Variants in TLE4 observed in about 807,000 individuals in gnomAD.
TLE4 encodes the protein TLE family member 4, transcriptional corepressor, also known as transducin-like enhancer protein 4.
TLE4 carries 8 observed loss-of-function variants against 92.8 expected under a neutral mutation model. The ratio of observed to expected loss-of-function variants is 0.09; its 90% CI spans 0.05 to 0.16. The LOEUF is 0.16. Among genes scored for constraint, TLE4 ranks in the 10% least tolerant of loss-of-function variants. The pLI is 1.00. For missense variants in TLE4, 675 were observed against 997.6 expected, an observed-to-expected ratio of 0.68 and a Z score of 4.36; for synonymous variants, 371 against 374.1, an observed-to-expected ratio of 0.99 and a Z score of 0.10.
intron 4 of TLE4, among the ~76,000 whole-genome samples, chr9:79,596,893 C>T (rs1396848769): frequency 3.9e-5 from 6 of 152,166 alleles, no homozygotes. Context: ...ATTAGAGTCA[C>T]ACTAGGATTT....
chr9:79,724,618 AG>A (rs1250857662), intron 19 of TLE4, among the ~76,000 whole-genome samples: 1 of 151,956 alleles, frequency 6.6e-6, no homozygotes, highest in African/African-American at 2.4e-5. Flanking sequence ...CCAAGGCAAG[AG>A]GATCTCTTGA....
chr9:79,630,401 ATAAGT>A (rs1465851528), intron 6 of TLE4, among the ~76,000 whole-genome samples: 3 of 152,234 alleles, frequency 2.0e-5, no homozygotes, highest in African/African-American at 4.8e-5. Flanking sequence ...ATAGATTGAA[ATAAGT>A]TAAATATCAT....
chr9:79,653,378 T>C (rs956902718), intron 7 of TLE4, among the ~76,000 whole-genome samples: 1 of 152,224 alleles, frequency 6.6e-6, no homozygotes, highest in Admixed American at 6.5e-5. Context: ...AAGACCAACA[T>C]AATTGTTTAT....
chr9:79,640,950 G>A (rs2057009502), intron 6 of TLE4, among the ~76,000 whole-genome samples: 1 of 151,976 alleles, frequency 6.6e-6, no homozygotes, highest in Non-Finnish European at 1.5e-5. Context: ...CTAAGAAATA[G>A]ATTCACTTGT....
intron 4 of TLE4, among the ~76,000 whole-genome samples, chr9:79,612,049 A>G (rs2048495358): frequency 6.6e-6 from 1 of 151,916 alleles, no homozygotes; most frequent in Non-Finnish European, 1.5e-5. Flanking sequence ...CACACTGAAA[A>G]CCTTGGTAGG....
chr9:79,617,767 T>C (rs1218929684), intron 5 of TLE4, among the ~76,000 whole-genome samples: 1 of 151,610 alleles, frequency 6.6e-6, no homozygotes, highest in Non-Finnish European at 1.5e-5. Flanking sequence ...TTCGTGACAG[T>C]GTAAAAGGAC....
intron 4 of TLE4, among the ~76,000 whole-genome samples, chr9:79,606,426 G>A (rs2046995999): frequency 2.1e-5 from 3 of 144,616 alleles, no homozygotes; most frequent in African/African-American, 7.7e-5. Context: ...TGTGCACAAC[G>A]TGCAGGTTTG....
chr9:79,708,823 A>G, intron 13 of TLE4, 37 bp downstream of exon 13: 2 of 1,571,294 alleles, frequency 1.3e-6, no homozygotes, highest in South Asian at 1.1e-5. Flanking sequence ...ATTTTAGCAC[A>G]CGGAGGATTG....
At chr9:79,600,405 A>G (rs116148901) in intron 4 of TLE4, among the ~76,000 whole-genome samples, 1,709 of 152,218 alleles carry the variant, frequency 0.011, 39 homozygotes, top group African/African-American at 0.039. Context: ...GGCTTCCCCC[A>G]GCCATTGAAG....
At chr9:79,710,635 T>C (rs530179175) in intron 14 of TLE4, among the ~76,000 whole-genome samples, 1 of 152,336 alleles carries the variant, frequency 6.6e-6, no homozygotes, top group South Asian at 2.1e-4. Flanking sequence ...GTCCTTACTG[T>C]CCTTCTTCCT....
chr9:79,693,496 T>C (rs2067520751), intron 8 of TLE4: 1 of 319,154 alleles, frequency 3.1e-6, no homozygotes, highest in Non-Finnish European at 6.2e-6. Flanking sequence ...TGGGATCTTC[T>C]GCGTTTCAAT....
chr9:79,590,683 A>G (rs569676172), intron 4 of TLE4, among the ~76,000 whole-genome samples: 1 of 152,326 alleles, frequency 6.6e-6, no homozygotes, highest in South Asian at 2.1e-4. Context: ...TTTAGGATGC[A>G]CACTTGTGAG....
intron 8 of TLE4, among the ~76,000 whole-genome samples, chr9:79,687,207 A>G (rs1016683835): frequency 5.9e-5 from 9 of 152,138 alleles, no homozygotes; most frequent in Admixed American, 3.9e-4. Flanking sequence ...GGGTGATGCA[A>G]CGAGCTCACC....
chr9:79,659,954 A>G (rs1219580465), intron 8 of TLE4, among the ~76,000 whole-genome samples: 2 of 152,222 alleles, frequency 1.3e-5, no homozygotes, highest in African/African-American at 4.8e-5. Context: ...ATACATTTCT[A>G]GATATCTTAC....
chr9:79,615,210 G>A lies in TLE4; in HGVS notation c.315+2492G>A, dbSNP rs183635126. On this transcript the variant is annotated intron_variant, in intron 5 of 19. Transcript: ENST00000376552. ...CTGGAGGGAGGGGAGGAGCAGGTTA[G>A]TAGAGGAAGATGAATTCTGTTTCCT... Among the ~76,000 whole-genome samples, 20 of 152,150 alleles carry A rather than the reference G, an allele frequency of 1.3e-4. No homozygotes were observed. In the East Asian group the frequency reaches 3.9e-3, roughly 30 times the overall value.
intron 4 of TLE4, among the ~76,000 whole-genome samples, chr9:79,588,030 G>C (rs2041583674): frequency 6.6e-6 from 1 of 152,130 alleles, no homozygotes; most frequent in South Asian, 2.1e-4. Context: ...CAGAGTAGGG[G>C]TGTCAAGGCC....
At chr9:79,684,906 A>G (rs1017111596) in intron 8 of TLE4, among the ~76,000 whole-genome samples, 26 of 152,336 alleles carry the variant, frequency 1.7e-4, no homozygotes, top group Non-Finnish European at 2.5e-4. Context: ...ATTGCAGCCA[A>G]TATTGCAGTC....
intron 8 of TLE4, among the ~76,000 whole-genome samples, chr9:79,656,239 A>G (rs916465661): frequency 6.6e-6 from 1 of 152,264 alleles, no homozygotes; most frequent in African/African-American, 2.4e-5. Flanking sequence ...TCCTCCCATA[A>G]GTGGTTCCTG....
intron 4 of TLE4, among the ~76,000 whole-genome samples, chr9:79,606,022 T>C (rs1198194007): frequency 6.6e-6 from 1 of 151,956 alleles, no homozygotes; most frequent in Non-Finnish European, 1.5e-5. Flanking sequence ...TACTCTGTTA[T>C]AGACAGTATC....
Sources: allele counts gnomAD v4.1 joint callset (sites outside exome capture counted in the v4.1 genomes callset), GRCh38; gene constraint gnomAD v4.1.1; transcripts MANE v1.5; gene names NCBI Gene and HGNC (gene_info 2026-07-23, HGNC 2026-07-21).